Variants in EVL observed in about 807,000 individuals in gnomAD.
EVL encodes ena/VASP-like protein.
Under a neutral mutation model 59.6 loss-of-function variants are expected in EVL, and 21 were observed. That is an observed-to-expected ratio of 0.35 (90% confidence interval 0.25 to 0.51). The LOEUF is 0.51. Among genes scored for constraint, EVL ranks in the 20% least tolerant of loss-of-function variants. The pLI is 0.97. For synonymous variants in EVL, 198 were observed against 203.5 expected (o/e 0.97, Z 0.23); for missense variants, 462 against 546.6 (o/e 0.85, Z 1.54).
intron 3 of EVL, among the ~76,000 whole-genome samples, chr14:100,116,095 A>G (rs1887324657): frequency 6.6e-6 from 1 of 152,190 alleles, no homozygotes; most frequent in Non-Finnish European, 1.5e-5. Context: ...AGCCCAGTTC[A>G]CAGACTCCAT....
chr14:100,068,533 C>A (rs1220189051), intron 1 of EVL, among the ~76,000 whole-genome samples: 1 of 152,154 alleles, frequency 6.6e-6, no homozygotes, highest in African/African-American at 2.4e-5. Context: ...AGAATGGAGG[C>A]AGGATGACCT....
At chr14:100,003,485 C>T (rs1461835168) in intron 1 of EVL, among the ~76,000 whole-genome samples, 3 of 152,130 alleles carry the variant, frequency 2.0e-5, no homozygotes, top group Non-Finnish European at 4.4e-5. Context: ...GATGTCATCT[C>T]GGCTCACTGC....
intron 1 of EVL, among the ~76,000 whole-genome samples, chr14:100,080,835 A>G (rs1287357546): frequency 6.6e-6 from 1 of 152,232 alleles, no homozygotes; most frequent in Non-Finnish European, 1.5e-5. Context: ...TAATCAACAG[A>G]TTGTTTTGAT....
At position 100,077,163 on chromosome 14, in the gene EVL, G is replaced by A. The variant is rs75196718; in HGVS notation, c.12-7524G>A. ...ACATTGCAATTGAAGGGTTGGGGGT[G>A]TGAGACTTCAACCAGAGGCGGGGGA... On this transcript the variant is annotated intron_variant, in intron 1 of 13. Transcript: ENST00000392920. Among the ~76,000 whole-genome samples, 1,041 of 152,270 alleles carry A rather than the reference G, an allele frequency of 6.8e-3. 11 individuals carry two copies. Among genetic ancestry groups the A allele is most frequent in the African/African-American group, 0.024 (996 of 41,540 alleles).
intron 1 of EVL, among the ~76,000 whole-genome samples, chr14:100,029,688 T>G (rs1024168212): frequency 2.6e-5 from 4 of 152,032 alleles, no homozygotes; most frequent in Non-Finnish European, 5.9e-5. Flanking sequence ...TTGGAGGGTA[T>G]AGGATTGGGG....
intron 1 of EVL, among the ~76,000 whole-genome samples, chr14:100,072,487 G>C (rs907081705): frequency 2.6e-5 from 4 of 152,164 alleles, no homozygotes; most frequent in Non-Finnish European, 5.9e-5. Context: ...CACCTGCTTT[G>C]GCCTCCCAAA....
intron 1 of EVL, among the ~76,000 whole-genome samples, chr14:99,984,653 A>G (rs1191016): frequency 0.34 from 51,769 of 151,910 alleles, 11,770 homozygotes; most frequent in African/African-American, 0.65. Flanking sequence ...TGCTCTGGTC[A>G]CCCAGGCTGG....
At chr14:100,052,068 G>A (rs76321766) in intron 1 of EVL, among the ~76,000 whole-genome samples, 1,572 of 152,288 alleles carry the variant, frequency 0.01, 22 homozygotes, top group African/African-American at 0.036. Context: ...ATAACGGAAG[G>A]GCAGGTCTTT....
intron 1 of EVL, among the ~76,000 whole-genome samples, chr14:100,039,076 A>C (rs972868819): frequency 6.6e-6 from 1 of 152,184 alleles, no homozygotes; most frequent in East Asian, 1.9e-4. Flanking sequence ...AGGACAGGTA[A>C]GAACATTTGA....
At chr14:99,988,729 C>T (rs2060856854) in intron 1 of EVL, among the ~76,000 whole-genome samples, 1 of 152,134 alleles carries the variant, frequency 6.6e-6, no homozygotes, top group Non-Finnish European at 1.5e-5. Context: ...TATATCCATA[C>T]AGTGCAATAA....
Position 100,143,933 on chromosome 14 carries a change from C to A in EVL, c.*195C>A. On this transcript the variant is annotated 3_prime_UTR_variant, in exon 14 of 14. Coordinates refer to ENST00000392920, the MANE Select transcript of EVL (RefSeq NM_016337.3). ...AACTCCTGGGTTTTTTTAGATTCTG[C>A]CTGACACGGAACACCAGGTCTGCTC... The A allele has an allele frequency of 1.7e-6, 1 of 600,956 alleles. No individual in the cohort carries two copies. The highest frequency in any genetic ancestry group is 2.9e-6 in the Non-Finnish European group (1 of 344,486). The allele number at this position is 600,956 out of a possible 1,614,324, so 37.2% of individuals were successfully genotyped here.
intron 3 of EVL, among the ~76,000 whole-genome samples, chr14:100,101,422 G>A (rs968841561): frequency 2.9e-4 from 44 of 152,182 alleles, no homozygotes; most frequent in African/African-American, 9.6e-4. Context: ...CGGGATTACG[G>A]TGAGCTGAGA....
chr14:100,047,669 C>T (rs2061576124), intron 1 of EVL, among the ~76,000 whole-genome samples: 1 of 152,126 alleles, frequency 6.6e-6, no homozygotes, highest in Non-Finnish European at 1.5e-5. Flanking sequence ...TTTGTGTAGC[C>T]TGGGTTACAC....
intron 4 of EVL, 23 bp downstream of exon 4, chr14:100,123,625 C>G: frequency 6.2e-7 from 1 of 1,613,408 alleles, no homozygotes; most frequent in Non-Finnish European, 8.5e-7. Flanking sequence ...CCGCAGGGGC[C>G]AGGCTGGTCA....
rs146672218 is a variant in EVL, at chr14:100,128,307, G to A, written c.488-212G>A. 2.4e-4 allele frequency among the ~76,000 whole-genome samples: 37 copies of A among 152,318 alleles called. 1 individual carries two copies. The East Asian group carries it at 2.5e-3, about 10-fold the overall frequency. On this transcript the variant is annotated intron_variant, in intron 5 of 13. Coordinates refer to ENST00000392920, the MANE Select transcript of EVL (RefSeq NM_016337.3). ...ACACCTGTGGGTCCAGCCAGGCCCC[G>A]GAGTACTGAGGACACCAGAATAGGG...
At chr14:100,063,790 A>G (rs992512670), upstream of EVL, among the ~76,000 whole-genome samples, 7 of 152,346 alleles carry the variant, frequency 4.6e-5, no homozygotes, top group Admixed American at 4.6e-4. Context: ...TACATCCGCC[A>G]AGGTAGACTG....
intron 12 of EVL, 76 bp from the exon 13 acceptor site, chr14:100,141,660 T>G (rs1176855966): frequency 6.8e-6 from 10 of 1,467,126 alleles, no homozygotes; most frequent in Non-Finnish European, 9.4e-6. Context: ...CCAAGCCCTT[T>G]GGACATGGCC....
chr14:100,100,857 A>C (rs1595178114), intron 3 of EVL, among the ~76,000 whole-genome samples: 1 of 151,852 alleles, frequency 6.6e-6, no homozygotes, highest in East Asian at 1.9e-4. Context: ...TACTCTGCCG[A>C]GGACCATGCA....
intron 3 of EVL, chr14:100,102,283 G>A: frequency 2.2e-6 from 1 of 456,032 alleles, no homozygotes; most frequent in South Asian, 1.5e-5. Flanking sequence ...TGCTATATCT[G>A]CATAATTTCC....
Sources: gnomAD v4.1 joint callset for allele counts (sites outside exome capture counted in the v4.1 genomes callset) on GRCh38, gnomAD v4.1.1 for gene constraint, MANE v1.5 for transcripts, NCBI Gene and HGNC (gene_info 2026-07-23, HGNC 2026-07-21) for gene names.